Variants in RPS6KA2 observed in about 807,000 individuals in gnomAD.
RPS6KA2 encodes ribosomal protein S6 kinase alpha-2.
A neutral mutation model predicts 91.8 loss-of-function variants in RPS6KA2; 42 were observed. That is an observed-to-expected ratio of 0.46 (90% CI 0.36 to 0.59). The LOEUF is 0.59. Ranked by LOEUF, RPS6KA2 falls within the 20% of genes least tolerant of loss-of-function variation. The probability of loss-of-function intolerance (pLI) is 0.00; values close to 1 mark genes in which losing one functional copy is unlikely to be tolerated. For missense variants in RPS6KA2, 798 were observed against 978.5 expected (o/e 0.82, Z 2.46); for synonymous variants, 414 against 393.6 (o/e 1.05, Z -0.61).
At chr6:166,702,112 A>G in intron 2 of RPS6KA2, 2 of 1,506,908 alleles carry the variant, frequency 1.3e-6, no homozygotes, top group Non-Finnish European at 9.2e-7. Flanking sequence ...ACTTCTCAGC[A>G]GCCCCTGCAT....
chr6:166,673,444 A>G lies in RPS6KA2; in HGVS notation c.124-134660T>C, dbSNP rs114850492. Among the ~76,000 whole-genome samples the G allele has an allele frequency of 3.8e-3, 575 of 152,280 alleles. 2 individuals are homozygous for G. The highest frequency in any genetic ancestry group is 0.013 in the African/African-American group (532 of 41,554). On this transcript the variant is annotated intron_variant, in intron 2 of 21. Transcript: ENST00000503859. Reference sequence around the variant, plus strand: ...AGTCAACAAGGACCCTGGAGGAGAAATGACTGAGTCGCTGTCCCTGGGGGG... The same window carrying G: ...AGTCAACAAGGACCCTGGAGGAGAAGTGACTGAGTCGCTGTCCCTGGGGGG...
intron 2 of RPS6KA2, among the ~76,000 whole-genome samples, chr6:166,809,533 G>A (rs937467467): frequency 2.8e-4 from 42 of 152,140 alleles, no homozygotes; most frequent in African/African-American, 9.7e-4. Flanking sequence ...AGTTGCATAG[G>A]GTGTGGACAG....
intron 13 of RPS6KA2, among the ~76,000 whole-genome samples, chr6:166,450,108 A>G (rs1779833027): frequency 7.4e-6 from 1 of 135,062 alleles, no homozygotes; most frequent in African/African-American, 2.7e-5. Flanking sequence ...CATGGGGACC[A>G]ACATGGAGAC....
chr6:166,486,386 C>A (rs1781411218), intron 10 of RPS6KA2, among the ~76,000 whole-genome samples: 1 of 152,182 alleles, frequency 6.6e-6, no homozygotes, highest in Non-Finnish European at 1.5e-5. Context: ...CCATCCTGGG[C>A]CTCCCATCTC....
chr6:166,621,193 A>G (rs1009683265), intron 1 of RPS6KA2, among the ~76,000 whole-genome samples: 2 of 152,270 alleles, frequency 1.3e-5, no homozygotes. Context: ...TAACATATGC[A>G]AATGACTGCA....
chr6:166,425,529 C>A (rs1441300548), intron 16 of RPS6KA2, among the ~76,000 whole-genome samples: 3 of 152,086 alleles, frequency 2.0e-5, no homozygotes, highest in Non-Finnish European at 2.9e-5. Context: ...TGTCAAGACC[C>A]ATCAGTGTGC....
chr6:166,723,699 C>CTTTTTTTTTTTTTTT lies in RPS6KA2; in HGVS notation c.123+134500_123+134501insAAAAAAAAAAAAAAA, dbSNP rs10637819. 3.2e-4 allele frequency among the ~76,000 whole-genome samples: 47 copies of CTTTTTTTTTTTTTTT among 146,222 alleles called. 1 individual carries two copies. The highest frequency in any genetic ancestry group is 1.2e-3 in the African/African-American group (46 of 37,154). Reference sequence around the variant, plus strand: ...AATTTCCTTTTTCTTTTTTTCTTTTCTTTTCTTTTTTTTTTTTTTGAGATG... The same window carrying CTTTTTTTTTTTTTTT: ...AATTTCCTTTTTCTTTTTTTCTTTTCTTTTTTTTTTTTTTTTTTTCTTTTTTTTTTTTTTGAGATG... On this transcript the variant is annotated intron_variant, in intron 2 of 21. Transcript: ENST00000503859.
At chr6:166,813,013 T>A (rs1779677594) in intron 2 of RPS6KA2, among the ~76,000 whole-genome samples, 1 of 152,142 alleles carries the variant, frequency 6.6e-6, no homozygotes, top group Non-Finnish European at 1.5e-5. Context: ...TAACCCAAAC[T>A]AAATCCTGAG....
At chr6:166,421,366 C>T (rs1206253287) in intron 17 of RPS6KA2, among the ~76,000 whole-genome samples, 1 of 152,172 alleles carries the variant, frequency 6.6e-6, no homozygotes, top group Non-Finnish European at 1.5e-5. Flanking sequence ...GCGTGAGGGG[C>T]GCTGAGCTGA....
At chr6:166,555,379 A>T (rs1425758208) in intron 1 of RPS6KA2, among the ~76,000 whole-genome samples, 1 of 152,226 alleles carries the variant, frequency 6.6e-6, no homozygotes, top group African/African-American at 2.4e-5. Context: ...GGATCACTTA[A>T]GATGTTTTTC....
intron 1 of RPS6KA2, among the ~76,000 whole-genome samples, chr6:166,624,529 A>G (rs1786762711): frequency 6.6e-6 from 1 of 152,194 alleles, no homozygotes; most frequent in Non-Finnish European, 1.5e-5. Flanking sequence ...AACTTACTGG[A>G]CTGGGGCACA....
rs1779750118 is a variant in RPS6KA2 at position 166,448,560 on chromosome 6, G to A, written c.1332+164C>T. ...CACAGCTGAGCACGTGAGCACATAT[G>A]CTGTGCTCCTATGCTCCGTGCTCCC... On this transcript the variant is annotated intron_variant, in intron 14 of 20. Coordinates refer to ENST00000265678, the MANE Select transcript of RPS6KA2 (RefSeq NM_021135.6). The surrounding 1 kb of genome is among the most constrained non-coding windows in gnomAD (Gnocchi z 4.7). 6.6e-6 allele frequency among the ~76,000 whole-genome samples: 1 copy of A among 152,194 alleles called. No individual in the cohort carries two copies. The highest frequency in any genetic ancestry group is 1.5e-5 in the Non-Finnish European group (1 of 68,032).
chr6:166,507,395 CCACATCA>C (rs1782272056), intron 5 of RPS6KA2, among the ~76,000 whole-genome samples: 1 of 150,614 alleles, frequency 6.6e-6, no homozygotes, highest in South Asian at 2.1e-4. Context: ...CACACCCACC[CCACATCA>C]CACATAGCAC....
At chr6:166,709,251 T>C (rs932630355) in intron 2 of RPS6KA2, among the ~76,000 whole-genome samples, 1 of 152,234 alleles carries the variant, frequency 6.6e-6, no homozygotes, top group Non-Finnish European at 1.5e-5. Flanking sequence ...TAGAAAATCA[T>C]TACTTTTATT....
At chr6:166,719,083 C>T (rs922086495) in intron 2 of RPS6KA2, among the ~76,000 whole-genome samples, 6 of 152,308 alleles carry the variant, frequency 3.9e-5, no homozygotes, top group South Asian at 2.1e-4. Flanking sequence ...ACCTCTGTCA[C>T]GCCTGCTCAA....
intron 2 of RPS6KA2, among the ~76,000 whole-genome samples, chr6:166,704,480 A>G (rs549084272): frequency 2.0e-5 from 3 of 152,198 alleles, no homozygotes; most frequent in Non-Finnish European, 4.4e-5. Context: ...TCATGAGCCA[A>G]TTTCTCTGAT....
rs550936182 is a variant in RPS6KA2, at chr6:166,671,561, A to G, written c.124-132777T>C. 4.6e-5 allele frequency among the ~76,000 whole-genome samples: 7 copies of G among 152,296 alleles called. No individual in the cohort carries two copies. In the South Asian group the frequency reaches 1.2e-3, roughly 27 times the overall value. Reference sequence around the variant, plus strand: ...CACTCAGTTTCAACCACACCAGCCCAGCCAAGTTATTCCAGTAAGAAAAGA... The same window carrying G: ...CACTCAGTTTCAACCACACCAGCCCGGCCAAGTTATTCCAGTAAGAAAAGA... On this transcript the variant is annotated intron_variant, in intron 2 of 21. Coordinates refer to the RPS6KA2 transcript ENST00000503859.
chr6:166,453,218 CACACACACACACAA>C (rs1218207029), intron 12 of RPS6KA2, among the ~76,000 whole-genome samples: 1 of 146,996 alleles, frequency 6.8e-6, no homozygotes, highest in Non-Finnish European at 1.5e-5. Flanking sequence ...CACACACACA[CACACACACACACAA>C]AAAGGCTTTA....
chr6:166,857,872 T>A (rs1038035824), intron 2 of RPS6KA2, among the ~76,000 whole-genome samples: 1 of 152,192 alleles, frequency 6.6e-6, no homozygotes, highest in Non-Finnish European at 1.5e-5. Flanking sequence ...CCATGCCAGC[T>A]GGTTACTCCC....
Sources: gnomAD v4.1 joint callset for allele counts (sites outside exome capture counted in the v4.1 genomes callset) on GRCh38, gnomAD v4.1.1 for gene constraint, Gnocchi (gnomAD v3.1) non-coding constraint, MANE v1.5 for transcripts, NCBI Gene and HGNC (gene_info 2026-07-23, HGNC 2026-07-21) for gene names.